The following VANGL2 variants were observed in gnomAD, a reference collection of about 807,000 sequenced individuals.
The protein encoded by VANGL2 is vang-like protein 2.
A neutral mutation model predicts 50.2 loss-of-function variants in VANGL2; 14 were observed. That is an observed-to-expected ratio of 0.28 (90% confidence interval 0.18 to 0.44). VANGL2 has a LOEUF of 0.44. Among genes scored for constraint, VANGL2 ranks in the 20% least tolerant of loss-of-function variants. The pLI is 1.00. For synonymous variants in VANGL2, 295 were observed against 297.2 expected (o/e 0.99, Z 0.08); for missense variants, 533 against 701.5 (o/e 0.76, Z 2.71).
chr1:160,404,810 T>C (rs1165375072), intron 1 of VANGL2, among the ~76,000 whole-genome samples: 1 of 152,210 alleles, frequency 6.6e-6, no homozygotes, highest in East Asian at 1.9e-4. Flanking sequence ...GGTTAAAGGA[T>C]GAGTTAGGCC....
intron 1 of VANGL2, 134 bp from the exon 2 acceptor site, chr1:160,415,514 C>T (rs1447984330): frequency 7.6e-6 from 3 of 393,922 alleles, no homozygotes; most frequent in Non-Finnish European, 1.4e-5. Flanking sequence ...CAGCAGGAAC[C>T]TGGGTGGAGA....
Position 160,426,793 on chromosome 1 carries a change from G to A in VANGL2, c.*1415G>A, listed in dbSNP as rs1357850152. Reference sequence around the variant, plus strand: ...CAGGATCCACATGGAGGACCTTTCTGATGGCTGCAATGACTAGGCCATTCC... The same window carrying A: ...CAGGATCCACATGGAGGACCTTTCTAATGGCTGCAATGACTAGGCCATTCC... On this transcript the variant is annotated 3_prime_UTR_variant, in exon 8 of 8. Coordinates refer to ENST00000368061, the MANE Select transcript of VANGL2 (RefSeq NM_020335.3). 1 of 152,266 alleles carries A rather than the reference G, an allele frequency of 6.6e-6. No individual in the cohort carries two copies. The highest frequency in any genetic ancestry group is 2.4e-5 in the African/African-American group (1 of 41,440). The allele number at this position is 152,266 out of a possible 1,614,324, so 9.4% of individuals were successfully genotyped here.
chr1:160,418,969 C>CT lies in VANGL2; in HGVS notation c.193-31dup, dbSNP rs765568020. ...CTCTTCCTCTTCTTATCCTTTCCTCCTTATTGTGTGGCTGGCCCCCTTCTG... is the reference window on the plus strand; with the variant it reads ...CTCTTCCTCTTCTTATCCTTTCCTCCTTTATTGTGTGGCTGGCCCCCTTCTG... On this transcript the variant is annotated intron_variant, in intron 3 of 7. Transcript: ENST00000368061. 20 of 1,589,714 alleles carry CT rather than the reference C, an allele frequency of 1.3e-5. No individual in the cohort carries two copies. The Middle Eastern group carries it at 8.4e-4, about 67-fold the overall frequency.
At chr1:160,410,952 G>A (rs995913226) in intron 1 of VANGL2, among the ~76,000 whole-genome samples, 5 of 152,054 alleles carry the variant, frequency 3.3e-5, no homozygotes, top group Admixed American at 1.3e-4. Context: ...TAGGCAACAG[G>A]GGGCTTTTGT....
intron 6 of VANGL2, 78 bp downstream of exon 6, chr1:160,421,265 C>T: frequency 6.4e-7 from 1 of 1,573,064 alleles, no homozygotes; most frequent in Non-Finnish European, 8.7e-7. Flanking sequence ...ACTTCTGTAA[C>T]TGCTGGAAAT....
rs1247495949 is a variant in VANGL2, at chr1:160,400,859, C to G, written c.-201C>G. The stretch of plus-strand genomic sequence containing the variant: ...CGCCCGCGGAGCCCACCCGGCAGTT[C>G]GCAGCGGCGGGTGAGTGCCGGGCCG... On this transcript the variant is annotated 5_prime_UTR_variant, in exon 1 of 8. Coordinates refer to ENST00000368061, the MANE Select transcript of VANGL2 (RefSeq NM_020335.3). 2 of 151,852 alleles carry G rather than the reference C, an allele frequency of 1.3e-5. No homozygotes were observed. Among genetic ancestry groups the G allele is most frequent in the African/African-American group, 2.4e-5 (1 of 41,326 alleles). 9.4% of individuals were successfully genotyped at this position (151,852 alleles called of 1,614,324 possible). A position where few individuals can be genotyped will look rare whatever the true frequency, so the allele number is the denominator to read the frequency against.
intron 1 of VANGL2, among the ~76,000 whole-genome samples, chr1:160,411,524 C>A (rs1650879794): frequency 6.6e-6 from 1 of 152,094 alleles, no homozygotes. Context: ...CTCCCAGGCC[C>A]CCCAGCAGCA....
At position 160,419,463 on chromosome 1, in the gene VANGL2, C is replaced by T. The variant is rs144333542; in HGVS notation, c.654C>T (p.Phe218=). 114 of 1,609,038 alleles carry T rather than the reference C, an allele frequency of 7.1e-5. No homozygotes were observed. Among genetic ancestry groups the T allele is most frequent in the Middle Eastern group, 3.3e-4 (2 of 6,060 alleles). The stretch of plus-strand genomic sequence containing the variant: ...GCAGCTACCAGGGCGTGGTGCAGTT[C>T]GCCGTGTCGCTGGTGGACGCCCTTC... ...RERSYQGVVQ[F]AVSLVDALLF... Residue 218 remains phenylalanine (F), a synonymous_variant, in exon 4 of 8, where the codon TTC becomes TTT. Coordinates refer to ENST00000368061, the MANE Select transcript of VANGL2 (RefSeq NM_020335.3). The surrounding 1 kb of genome is among the most constrained non-coding windows in gnomAD (Gnocchi z 5.8).
At chr1:160,420,309 C>T in intron 4 of VANGL2, 102 bp from the exon 5 acceptor site, 2 of 1,479,492 alleles carry the variant, frequency 1.4e-6, no homozygotes, top group Non-Finnish European at 1.9e-6. Context: ...TGTCCCTGTC[C>T]TGTGTCCTCT....
At chr1:160,423,901 GA>G in intron 6 of VANGL2, 150 bp from the exon 7 acceptor site, 1 of 838,710 alleles carries the variant, frequency 1.2e-6, no homozygotes, top group East Asian at 2.6e-5. Context: ...CCCAGTGGCA[GA>G]AAGGCACTAT....
chr1:160,421,231 GA>G, intron 6 of VANGL2, 44 bp downstream of exon 6: 4 of 1,609,416 alleles, frequency 2.5e-6, no homozygotes, highest in Non-Finnish European at 3.4e-6. Context: ...CTTGTTGGGT[GA>G]ATGGGGAGAG....
intron 3 of VANGL2, among the ~76,000 whole-genome samples, chr1:160,418,143 A>G (rs1460334122): frequency 6.6e-6 from 1 of 151,630 alleles, no homozygotes; most frequent in Non-Finnish European, 1.5e-5. Context: ...CTGGTCTCGA[A>G]CTCCCGACCT....
chr1:160,407,487 C>T (rs936765009), intron 1 of VANGL2, among the ~76,000 whole-genome samples: 8 of 152,176 alleles, frequency 5.3e-5, no homozygotes, highest in Admixed American at 4.6e-4. Context: ...CCTCACACTC[C>T]ATCCTCACAG....
In VANGL2 at chr1:160,425,292, G is replaced by T; in HGVS notation, c.1480G>T (p.Val494Phe). 1 of 1,614,018 alleles carries T rather than the reference G, an allele frequency of 6.2e-7. No individual in the cohort carries two copies. Among genetic ancestry groups the T allele is most frequent in the Non-Finnish European group, 8.5e-7 (1 of 1,180,002 alleles). The part of the protein sequence containing the change: ...DFSLVVSTKK[V>F]PFFKLSEEFV... ...CAGCCTGGTGGTCAGCACCAAGAAG[G>T]TCCCATTCTTCAAACTCTCCGAGGA... is the stretch of plus-strand genomic sequence containing the variant. The change falls in exon 8 of 8, where the codon GTC (valine) becomes TTC (phenylalanine). Residue 494 changes from valine (V) to phenylalanine (F), a missense_variant. Coordinates refer to ENST00000368061, the MANE Select transcript of VANGL2 (RefSeq NM_020335.3).
At chr1:160,423,909 C>A in intron 6 of VANGL2, 143 bp from the exon 7 acceptor site, 1 of 889,728 alleles carries the variant, frequency 1.1e-6, no homozygotes, top group Non-Finnish European at 1.8e-6. Flanking sequence ...CAGAAAGGCA[C>A]TATTGCCTCT....
chr1:160,420,463 GTCTACAACCCTGCCC>G lies in VANGL2; in HGVS notation c.856_870del (p.Tyr286_Leu290del). The stretch of plus-strand genomic sequence containing the variant: ...GGAGAAGTATTACCATGACTTCCCT[GTCTACAACCCTGCCC>G]TCCTCAACCTGCCCAAGTCCGTCCT... On this transcript the variant is annotated inframe_deletion, in exon 5 of 8. Transcript: ENST00000368061. The G allele has an allele frequency of 6.2e-7, 1 of 1,613,908 alleles. No homozygotes were observed.
chr1:160,425,156 C>A lies in VANGL2; in HGVS notation c.1344C>A (p.Ile448=). The A allele has an allele frequency of 6.2e-7, 1 of 1,614,162 alleles. No homozygotes were observed. The highest frequency in any genetic ancestry group is 1.1e-5 in the South Asian group (1 of 91,092). The change falls in exon 8 of 8, where the codon ATC becomes ATA. Residue 448 remains isoleucine, a synonymous_variant. Transcript: ENST00000368061. ...GATACTTGGCGGCTGGACCTACCAT[C>A]CAGTACCACAAGGAACGCTGGCTGG... ...LERYLAAGPT[I]QYHKERWLAK... is the part of the protein sequence containing the mutation.
chr1:160,421,005 A>G, intron 5 of VANGL2, 47 bp from the exon 6 acceptor site: 1 of 1,612,552 alleles, frequency 6.2e-7, no homozygotes, highest in Non-Finnish European at 8.5e-7. Flanking sequence ...GTGGGAAGAG[A>G]GGCCACACTC....
chr1:160,410,407 C>G (rs1013272165), intron 1 of VANGL2, among the ~76,000 whole-genome samples: 2 of 152,122 alleles, frequency 1.3e-5, no homozygotes, highest in Non-Finnish European at 2.9e-5. Context: ...CTCCCAGCCC[C>G]GTCTGCATCT....
Sources: gnomAD v4.1 joint callset for allele counts (sites outside exome capture counted in the v4.1 genomes callset) on GRCh38, gnomAD v4.1.1 for gene constraint, Gnocchi (gnomAD v3.1) non-coding constraint, MANE v1.5 for transcripts, NCBI Gene and HGNC (gene_info 2026-07-23, HGNC 2026-07-21) for gene names.